Variants in BBS9 observed in about 807,000 individuals in gnomAD.
BBS9 encodes the protein Bardet-Biedl syndrome 9.
BBS9 carries 89 observed loss-of-function variants against 117.7 expected under a neutral mutation model. The observed-to-expected ratio is 0.76, with a 90% CI of 0.64 to 0.90. BBS9 has a LOEUF of 0.90. BBS9 is among the 40% of genes least tolerant of loss of function. BBS9 has a pLI of 0.00. For synonymous variants in BBS9, 379 were observed against 370.9 expected (o/e 1.02, Z -0.25); for missense variants, 982 against 1,042.2 (o/e 0.94, Z 0.80).
Position 33,526,932 on chromosome 7 carries a change from G to T in BBS9, c.2299-7022G>T, listed in dbSNP as rs1585130170. Among the ~76,000 whole-genome samples the T allele has an allele frequency of 2.0e-5, 3 of 148,192 alleles. No individual in the cohort carries two copies. In the Middle Eastern group the frequency reaches 0.01, roughly 515 times the overall value. On this transcript the variant is annotated intron_variant, in intron 20 of 22. Coordinates refer to ENST00000242067, the MANE Select transcript of BBS9 (RefSeq NM_198428.3). ...GATGTACAGATGGGTTTTTGGTGTG[G>T]ATGTCCTTTCTGTTTGTTAGTTTTC...
intron 9 of BBS9, among the ~76,000 whole-genome samples, chr7:33,294,934 G>A (rs905455901): frequency 6.6e-6 from 1 of 152,078 alleles, no homozygotes; most frequent in East Asian, 1.9e-4. Context: ...TCTTTCCTAA[G>A]TAAACTTGCT....
chr7:33,416,978 A>G (rs1412971190), intron 19 of BBS9, among the ~76,000 whole-genome samples: 2 of 152,326 alleles, frequency 1.3e-5, no homozygotes, highest in East Asian at 1.9e-4. Context: ...ATTAGGGACC[A>G]TAGGTGAGAC....
intron 5 of BBS9, among the ~76,000 whole-genome samples, chr7:33,189,092 C>T (rs1407761218): frequency 2.0e-5 from 3 of 152,150 alleles, no homozygotes; most frequent in Non-Finnish European, 4.4e-5. Context: ...ACGATCTCAG[C>T]TTACTGCAAC....
At chr7:33,236,554 A>T (rs997702523) in intron 5 of BBS9, among the ~76,000 whole-genome samples, 1 of 151,952 alleles carries the variant, frequency 6.6e-6, no homozygotes, top group African/African-American at 2.4e-5. Context: ...AATATATATA[A>T]ATCTACCTCA....
At chr7:33,338,646 G>GTAAGTTA (rs1815878265) in intron 10 of BBS9, among the ~76,000 whole-genome samples, 2 of 152,152 alleles carry the variant, frequency 1.3e-5, no homozygotes, top group South Asian at 4.1e-4. Context: ...TTTTATGTGT[G>GTAAGTTA]TAAGTTATAA....
intron 9 of BBS9, among the ~76,000 whole-genome samples, chr7:33,319,846 T>G (rs1395399129): frequency 6.6e-6 from 1 of 152,074 alleles, no homozygotes; most frequent in Non-Finnish European, 1.5e-5. Flanking sequence ...TACAAGGAAC[T>G]CAAACAAATT....
At chr7:33,612,267 GA>G (rs1864920878) in intron 21 of BBS9, among the ~76,000 whole-genome samples, 1 of 151,764 alleles carries the variant, frequency 6.6e-6, no homozygotes, top group African/African-American at 2.4e-5. Context: ...TCACAAAAAT[GA>G]AAAAAGCAAT....
intron 4 of BBS9, among the ~76,000 whole-genome samples, chr7:33,160,422 A>G (rs1420153092): frequency 6.6e-6 from 1 of 152,228 alleles, no homozygotes; most frequent in Non-Finnish European, 1.5e-5. Context: ...GGCATAAGGT[A>G]TTCCATGTAT....
chr7:33,538,402 T>C lies in BBS9; in HGVS notation c.2521+4226T>C, dbSNP rs566696320. Reference sequence around the variant, plus strand: ...GATGGGAGAAAAGACAGTATGAATCTGAATACAGAGTATAAATGTGAATAA... The same window carrying C: ...GATGGGAGAAAAGACAGTATGAATCCGAATACAGAGTATAAATGTGAATAA... On this transcript the variant is annotated intron_variant, in intron 21 of 22. Transcript: ENST00000242067. Among the ~76,000 whole-genome samples the C allele has an allele frequency of 1.5e-4, 23 of 152,206 alleles. 1 individual carries two copies. The highest frequency in any genetic ancestry group is 2.6e-4 in the Non-Finnish European group (18 of 68,034).
At chr7:33,488,752 A>C (rs553896416) in intron 19 of BBS9, among the ~76,000 whole-genome samples, 10 of 152,250 alleles carry the variant, frequency 6.6e-5, no homozygotes, top group African/African-American at 2.4e-4. Flanking sequence ...TGATATAGTA[A>C]ATTTCTTCTG....
At chr7:33,633,680 G>T (rs1562548064) in intron 21 of BBS9, among the ~76,000 whole-genome samples, 1 of 151,964 alleles carries the variant, frequency 6.6e-6, no homozygotes, top group Non-Finnish European at 1.5e-5. Flanking sequence ...ACTATTAAAG[G>T]CATACTTGCA....
intron 7 of BBS9, among the ~76,000 whole-genome samples, chr7:33,269,650 A>G (rs779147685): frequency 3.1e-4 from 47 of 151,672 alleles, no homozygotes; most frequent in Admixed American, 7.9e-4. Context: ...GATACGGAAC[A>G]TGATGGCAAC....
At chr7:33,193,321 T>C (rs892404206) in intron 5 of BBS9, among the ~76,000 whole-genome samples, 2 of 152,154 alleles carry the variant, frequency 1.3e-5, no homozygotes, top group African/African-American at 4.8e-5. Context: ...ATTAAATTGC[T>C]CAGTAGTGTG....
At chr7:33,273,692 G>C (rs1292870284) in intron 8 of BBS9, 135 bp from the exon 9 acceptor site, 2 of 809,274 alleles carry the variant, frequency 2.5e-6, no homozygotes, top group African/African-American at 1.7e-5. Flanking sequence ...ACAAAATAAT[G>C]TTTTATTATG....
rs374020914 is a variant in BBS9, at chr7:33,288,983, A to G, written c.1016+15027A>G. Among the ~76,000 whole-genome samples, 46 of 152,346 alleles carry G rather than the reference A, an allele frequency of 3.0e-4. No homozygotes were observed. The South Asian group carries it at 9.3e-3, about 31-fold the overall frequency. ...ACAGCCTAAGTGAGTTGGTGTTACA[A>G]TATAGAAAAGCAGAATACGGTAGGT... is the stretch of plus-strand genomic sequence containing the variant. On this transcript the variant is annotated intron_variant, in intron 9 of 22. Coordinates refer to ENST00000242067, the MANE Select transcript of BBS9 (RefSeq NM_198428.3).
At chr7:33,258,225 T>C (rs1797406019) in intron 6 of BBS9, among the ~76,000 whole-genome samples, 1 of 152,170 alleles carries the variant, frequency 6.6e-6, no homozygotes, top group Admixed American at 6.5e-5. Flanking sequence ...CATTTGGAAG[T>C]TTAAACATCT....
rs185496281 is a variant in BBS9 at position 33,139,024 on chromosome 7, C to T, written c.-11-7218C>T. On this transcript the variant is annotated intron_variant, in intron 1 of 22. Coordinates refer to ENST00000242067, the MANE Select transcript of BBS9 (RefSeq NM_198428.3). ...TCCCAGCACTTTGGGAGGCTGAGGTCGGCGGATCACCTAAGTTCAGGAGTT... is the reference window on the plus strand; with the variant it reads ...TCCCAGCACTTTGGGAGGCTGAGGTTGGCGGATCACCTAAGTTCAGGAGTT... Among the ~76,000 whole-genome samples, 673 of 151,120 alleles carry T rather than the reference C, an allele frequency of 4.5e-3. 15 individuals are homozygous for T. Among genetic ancestry groups the T allele is most frequent in the Middle Eastern group, 0.01 (3 of 294 alleles).
intron 19 of BBS9, among the ~76,000 whole-genome samples, chr7:33,399,264 A>C (rs1828524881): frequency 1.3e-5 from 2 of 151,574 alleles, no homozygotes; most frequent in African/African-American, 4.9e-5. Context: ...ATTCTTATTC[A>C]TGAATAGACT....
intron 16 of BBS9, among the ~76,000 whole-genome samples, chr7:33,365,960 G>T (rs1212074403): frequency 1.3e-5 from 2 of 152,192 alleles, no homozygotes; most frequent in Non-Finnish European, 2.9e-5. Context: ...GCTCACTCTG[G>T]TGGTAGCTCT....
Sources: allele counts gnomAD v4.1 joint callset (sites outside exome capture counted in the v4.1 genomes callset), GRCh38; gene constraint gnomAD v4.1.1; transcripts MANE v1.5; gene names NCBI Gene and HGNC (gene_info 2026-07-23, HGNC 2026-07-21).